The following NKAIN3 variants were observed in gnomAD, a reference collection of about 807,000 sequenced individuals.
NKAIN3 encodes sodium/potassium transporting ATPase interacting 3, also known as sodium/potassium-transporting ATPase subunit beta-1-interacting protein 3.
Under a neutral mutation model 30.2 loss-of-function variants are expected in NKAIN3, and 25 were observed. The observed-to-expected ratio is 0.83, with a 90% confidence interval of 0.60 to 1.16. The LOEUF (loss-of-function observed/expected upper bound fraction) is 1.16, where lower values mean the gene tolerates loss of function less well. Ranked by LOEUF, NKAIN3 falls within the 50% of genes most tolerant of loss-of-function variation. The probability of loss-of-function intolerance (pLI) is 0.00; values close to 1 mark genes in which losing one functional copy is unlikely to be tolerated. For missense variants in NKAIN3, 225 were observed against 254.1 expected (o/e 0.89, Z 0.78); for synonymous variants, 91 against 89.6 (o/e 1.02, Z -0.09).
rs1371693600 is a variant in NKAIN3 at position 62,974,148 on chromosome 8, G to A, written c.*8741G>A. 6.6e-6 allele frequency among the ~76,000 whole-genome samples: 1 copy of A among 152,092 alleles called. No homozygotes were observed. The highest frequency in any genetic ancestry group is 1.5e-5 in the Non-Finnish European group (1 of 68,018). ...GCTTAGGATTGTTTTGGCTATATGG[G>A]CTCTTTTTGGTTCCCTATGAAATTT... On this transcript the variant is annotated 3_prime_UTR_variant, in exon 7 of 7. Coordinates refer to ENST00000623646, the MANE Select transcript of NKAIN3 (RefSeq NM_001304533.3).
In NKAIN3 at chr8:62,984,366, T is replaced by C. The variant is rs556634866; in HGVS notation, c.*18959T>C. The C allele has an allele frequency of 2.0e-5, 3 of 152,358 alleles. No homozygotes were observed. The East Asian group carries it at 5.8e-4, about 29-fold the overall frequency. 9.4% of individuals were successfully genotyped at this position (152,358 alleles called of 1,614,324 possible). A position where few individuals can be genotyped will look rare whatever the true frequency, so the allele number is the denominator to read the frequency against. On this transcript the variant is annotated 3_prime_UTR_variant, in exon 7 of 7. Transcript: ENST00000623646. ...ATTTCTACTACATGTTTTTAATCTT[T>C]AACATTTTTACCAGCAGAAATCATT...
chr8:62,605,705 T>C (rs954754876), intron 3 of NKAIN3, among the ~76,000 whole-genome samples: 1 of 152,094 alleles, frequency 6.6e-6, no homozygotes, highest in African/African-American at 2.4e-5. Context: ...TTACAAGTAT[T>C]CTAGAGATTA....
chr8:62,639,088 T>TA (rs1362579494), intron 3 of NKAIN3, among the ~76,000 whole-genome samples: 1 of 152,140 alleles, frequency 6.6e-6, no homozygotes, highest in African/African-American at 2.4e-5. Context: ...CCCTTTGATT[T>TA]AAAGTCAGGG....
At chr8:62,412,791 A>G (rs972243384) in intron 1 of NKAIN3, among the ~76,000 whole-genome samples, 6 of 151,588 alleles carry the variant, frequency 4.0e-5, no homozygotes, top group Non-Finnish European at 7.4e-5. Context: ...GGGTGCCTGT[A>G]GCCCCAGCTA....
intron 4 of NKAIN3, among the ~76,000 whole-genome samples, chr8:62,810,920 C>T (rs991730799): frequency 6.6e-6 from 1 of 152,100 alleles, no homozygotes; most frequent in Non-Finnish European, 1.5e-5. Flanking sequence ...CCAGTAATAA[C>T]TATATCTTGC....
intron 1 of NKAIN3, among the ~76,000 whole-genome samples, chr8:62,534,921 A>G (rs974057854): frequency 1.3e-5 from 2 of 151,856 alleles, no homozygotes; most frequent in Non-Finnish European, 2.9e-5. Flanking sequence ...GGTCCCAAAG[A>G]AAGTGTTCAT....
intron 1 of NKAIN3, among the ~76,000 whole-genome samples, chr8:62,307,775 G>C (rs1585660515): frequency 6.6e-6 from 1 of 150,808 alleles, no homozygotes; most frequent in Non-Finnish European, 1.5e-5. Flanking sequence ...TGAACTGCAT[G>C]AAACTTTTTG....
At chr8:62,869,923 C>T (rs1168145175) in intron 4 of NKAIN3, among the ~76,000 whole-genome samples, 1 of 152,076 alleles carries the variant, frequency 6.6e-6, no homozygotes, top group Non-Finnish European at 1.5e-5. Context: ...GCACTCGCCA[C>T]CACGCCCAGC....
At chr8:62,491,596 C>G (rs1226598027) in intron 1 of NKAIN3, among the ~76,000 whole-genome samples, 1 of 152,124 alleles carries the variant, frequency 6.6e-6, no homozygotes, top group Non-Finnish European at 1.5e-5. Flanking sequence ...TAGCAATTCA[C>G]TGTAGCCTGA....
In NKAIN3 at chr8:62,805,425, A is replaced by G. The variant is rs1211642250; in HGVS notation, c.471+58296A>G. ...TATACTACAAGGCTACAGTAACCAAAACAGCATGGTACTGGTACCAAAACA... is the reference window on the plus strand; with the variant it reads ...TATACTACAAGGCTACAGTAACCAAGACAGCATGGTACTGGTACCAAAACA... On this transcript the variant is annotated intron_variant, in intron 4 of 6. Coordinates refer to ENST00000623646, the MANE Select transcript of NKAIN3 (RefSeq NM_001304533.3). Among the ~76,000 whole-genome samples the G allele has an allele frequency of 1.8e-4, 27 of 152,230 alleles. No homozygotes were observed. In the East Asian group the frequency reaches 4.4e-3, roughly 25 times the overall value.
chr8:62,921,143 C>G (rs1822264340), intron 5 of NKAIN3, among the ~76,000 whole-genome samples: 1 of 152,130 alleles, frequency 6.6e-6, no homozygotes, highest in African/African-American at 2.4e-5. Flanking sequence ...AAGACATGTC[C>G]TTTGAATTAT....
At position 62,966,181 on chromosome 8, in the gene NKAIN3, GCT is replaced by G; in HGVS notation, c.*776_*777del. The G allele has an allele frequency of 2.0e-6, 2 of 985,100 alleles. No individual in the cohort carries two copies. The highest frequency in any genetic ancestry group is 2.4e-6 in the Non-Finnish European group (2 of 829,790). The allele number at this position is 985,100 out of a possible 1,614,324, so 61.0% of individuals were successfully genotyped here. A position where few individuals can be genotyped will look rare whatever the true frequency, so the allele number is the denominator to read the frequency against. On this transcript the variant is annotated 3_prime_UTR_variant, in exon 7 of 7. Transcript: ENST00000623646. ...CACTGCTGTCAGACCTAAACATACA[GCT>G]CATGGGCTTGTGGGACAGAAATCAC...
At chr8:62,937,802 G>A (rs546519165) in intron 5 of NKAIN3, among the ~76,000 whole-genome samples, 10 of 152,200 alleles carry the variant, frequency 6.6e-5, no homozygotes, top group Middle Eastern at 3.4e-3. Context: ...TTTGTAGCCT[G>A]GGGCAAGTTC....
At chr8:62,527,787 G>T (rs28544494) in intron 1 of NKAIN3, among the ~76,000 whole-genome samples, 7,181 of 151,978 alleles carry the variant, frequency 0.047, 505 homozygotes, top group African/African-American at 0.16. Flanking sequence ...TGTCAAGAGT[G>T]AAATAAATCC....
chr8:62,696,259 C>A (rs1249939685), intron 3 of NKAIN3, among the ~76,000 whole-genome samples: 2 of 152,088 alleles, frequency 1.3e-5, no homozygotes, highest in African/African-American at 2.4e-5. Flanking sequence ...CCTTATAGGT[C>A]ATTCATTGTA....
intron 1 of NKAIN3, among the ~76,000 whole-genome samples, chr8:62,451,519 G>A (rs771096510): frequency 6.6e-5 from 10 of 152,178 alleles, no homozygotes; most frequent in South Asian, 2.1e-4. Context: ...TAAGCACCAC[G>A]TGAGCAATCT....
chr8:62,257,178 T>C (rs1191029899), intron 1 of NKAIN3, among the ~76,000 whole-genome samples: 1 of 152,200 alleles, frequency 6.6e-6, no homozygotes, highest in Non-Finnish European at 1.5e-5. Context: ...TGCTGTGTAA[T>C]AGATCTCAAA....
chr8:62,936,341 C>T (rs1822789387), intron 5 of NKAIN3, among the ~76,000 whole-genome samples: 1 of 152,126 alleles, frequency 6.6e-6, no homozygotes, highest in Non-Finnish European at 1.5e-5. Flanking sequence ...CCACTGTGGT[C>T]TCAGTTGTCA....
At chr8:62,858,488 C>T (rs1046318849) in intron 4 of NKAIN3, among the ~76,000 whole-genome samples, 1 of 152,138 alleles carries the variant, frequency 6.6e-6, no homozygotes, top group African/African-American at 2.4e-5. Flanking sequence ...GTGACATGCC[C>T]CACCCCCAGG....
Sources: gnomAD v4.1 joint callset for allele counts (sites outside exome capture counted in the v4.1 genomes callset) on GRCh38, gnomAD v4.1.1 for gene constraint, MANE v1.5 for transcripts, NCBI Gene and HGNC (gene_info 2026-07-23, HGNC 2026-07-21) for gene names.